Variants in SHLD1 observed in about 807,000 individuals in gnomAD.
The protein encoded by SHLD1 is shieldin complex subunit 1.
In SHLD1, 3 loss-of-function variants were observed where a neutral mutation model predicts 5.5. The ratio of observed to expected loss-of-function variants is 0.54; its 90% confidence interval spans 0.25 to 1.40. The LOEUF (loss-of-function observed/expected upper bound fraction) is 1.40, where lower values mean the gene tolerates loss of function less well. Among genes scored for constraint, SHLD1 ranks in the 40% most tolerant of loss-of-function variants. The probability of loss-of-function intolerance (pLI) is 0.15; values close to 1 mark genes in which losing one functional copy is unlikely to be tolerated. For synonymous variants in SHLD1, 92 were observed against 94.3 expected (o/e 0.98, Z 0.14); for missense variants, 210 against 244.4 (o/e 0.86, Z 0.94).
intron 2 of SHLD1, among the ~76,000 whole-genome samples, chr20:5,826,468 T>A (rs1165749501): frequency 1.3e-5 from 2 of 151,826 alleles, no homozygotes; most frequent in African/African-American, 4.8e-5. Flanking sequence ...AAGAAAAAGA[T>A]TATGCATTGT....
intron 2 of SHLD1, among the ~76,000 whole-genome samples, chr20:5,858,531 G>A (rs1283252369): frequency 6.6e-6 from 1 of 152,196 alleles, no homozygotes; most frequent in African/African-American, 2.4e-5. Flanking sequence ...ATTTTTAGGT[G>A]TATAACAATC....
chr20:5,821,950 C>T (rs949816074), intron 2 of SHLD1, among the ~76,000 whole-genome samples: 36 of 152,200 alleles, frequency 2.4e-4, no homozygotes, highest in African/African-American at 8.4e-4. Flanking sequence ...CTGCTGCACT[C>T]GACAGTCATA....
intron 2 of SHLD1, among the ~76,000 whole-genome samples, chr20:5,854,440 G>T (rs963305804): frequency 6.6e-6 from 1 of 152,030 alleles, no homozygotes; most frequent in African/African-American, 2.4e-5. Context: ...GAGCCACAGC[G>T]CCCAGCCTCC....
At chr20:5,848,096 A>G (rs2087953265) in intron 2 of SHLD1, among the ~76,000 whole-genome samples, 1 of 152,278 alleles carries the variant, frequency 6.6e-6, no homozygotes, top group African/African-American at 2.4e-5. Context: ...AAAACATCAT[A>G]AAGTAGCATG....
At chr20:5,774,974 C>A (rs1039754298) in intron 2 of SHLD1, among the ~76,000 whole-genome samples, 6 of 152,172 alleles carry the variant, frequency 3.9e-5, no homozygotes, top group Admixed American at 3.3e-4. Context: ...TGTTCATCAT[C>A]CCTGGGTAGC....
At chr20:5,829,122 C>T (rs985577246) in intron 2 of SHLD1, among the ~76,000 whole-genome samples, 18 of 152,142 alleles carry the variant, frequency 1.2e-4, no homozygotes, top group South Asian at 6.2e-4. Context: ...TCTATCTGCC[C>T]GCCTTGGCCT....
intron 2 of SHLD1, among the ~76,000 whole-genome samples, chr20:5,781,669 G>A (rs1318255787): frequency 6.6e-6 from 1 of 152,014 alleles, no homozygotes; most frequent in African/African-American, 2.4e-5. Context: ...AGTAGAGACA[G>A]GGTTTCACCA....
At chr20:5,776,990 C>CT (rs958028432) in intron 2 of SHLD1, among the ~76,000 whole-genome samples, 42 of 147,240 alleles carry the variant, frequency 2.9e-4, no homozygotes, top group South Asian at 8.7e-4. Flanking sequence ...AACATCATCA[C>CT]TTTTTTTTTT....
chr20:5,772,536 G>A (rs1221504923), intron 1 of SHLD1, among the ~76,000 whole-genome samples: 1 of 152,172 alleles, frequency 6.6e-6, no homozygotes, highest in African/African-American at 2.4e-5. Context: ...AGTTGGGTGA[G>A]ATCAACTGAA....
chr20:5,830,397 T>C (rs1214298677), intron 2 of SHLD1, among the ~76,000 whole-genome samples: 2 of 152,180 alleles, frequency 1.3e-5, no homozygotes, highest in African/African-American at 4.8e-5. Flanking sequence ...CAAAGCAATG[T>C]GGCCAGATGC....
At chr20:5,797,585 T>C (rs975263697) in intron 2 of SHLD1, among the ~76,000 whole-genome samples, 3 of 151,872 alleles carry the variant, frequency 2.0e-5, no homozygotes, top group Admixed American at 2.0e-4. Flanking sequence ...GAAGAATATG[T>C]GTGAAGTCCC....
chr20:5,834,061 C>T (rs527451240), intron 2 of SHLD1, among the ~76,000 whole-genome samples: 5 of 152,180 alleles, frequency 3.3e-5, no homozygotes, highest in Admixed American at 6.5e-5. Flanking sequence ...ATCCAGATAT[C>T]TGCCTACTTT....
At chr20:5,830,401 C>T (rs1309631566) in intron 2 of SHLD1, among the ~76,000 whole-genome samples, 3 of 152,098 alleles carry the variant, frequency 2.0e-5, no homozygotes, top group Non-Finnish European at 4.4e-5. Context: ...GCAATGTGGC[C>T]AGATGCGGTG....
At chr20:5,837,131 T>G (rs1033696509) in intron 2 of SHLD1, among the ~76,000 whole-genome samples, 3 of 152,158 alleles carry the variant, frequency 2.0e-5, no homozygotes, top group Admixed American at 2.0e-4. Flanking sequence ...GCTGGGGTCC[T>G]GAGGAGCTAT....
intron 2 of SHLD1, among the ~76,000 whole-genome samples, chr20:5,850,372 G>C (rs573707798): frequency 1.3e-5 from 2 of 152,036 alleles, no homozygotes; most frequent in Non-Finnish European, 2.9e-5. Flanking sequence ...GCACCTTCCA[G>C]ACCACCTCTC....
intron 1 of SHLD1, 131 bp from the exon 2 acceptor site, chr20:5,772,731 G>C: frequency 2.3e-6 from 2 of 876,464 alleles, no homozygotes; most frequent in Non-Finnish European, 3.3e-6. Flanking sequence ...GGGCAACTTA[G>C]TGAGACCTGA....
intron 2 of SHLD1, among the ~76,000 whole-genome samples, chr20:5,810,390 T>C (rs761360329): frequency 2.0e-5 from 3 of 152,112 alleles, no homozygotes; most frequent in Non-Finnish European, 4.4e-5. Context: ...TCTAATCTCA[T>C]TATTGCCTCT....
intron 2 of SHLD1, among the ~76,000 whole-genome samples, chr20:5,849,965 C>CAAAA (rs752647466): frequency 0.043 from 2,145 of 50,184 alleles, 182 homozygotes; most frequent in African/African-American, 0.12. Flanking sequence ...GACTCCGTCT[C>CAAAA]AAAAAAAAAA....
chr20:5,767,031 C>T (rs1490863351), intron 1 of SHLD1, among the ~76,000 whole-genome samples: 1 of 152,172 alleles, frequency 6.6e-6, no homozygotes, highest in Admixed American at 6.6e-5. Context: ...CTTTTCCTGT[C>T]ACCTCTAACC....
Sources: gnomAD v4.1 joint callset for allele counts (sites outside exome capture counted in the v4.1 genomes callset) on GRCh38, gnomAD v4.1.1 for gene constraint, MANE v1.5 for transcripts, NCBI Gene and HGNC (gene_info 2026-07-23, HGNC 2026-07-21) for gene names.